The following ADAP1 variants were observed in gnomAD, a reference collection of about 807,000 sequenced individuals.
ADAP1 encodes ArfGAP with dual PH domains 1, also known as arf-GAP with dual PH domain-containing protein 1.
A neutral mutation model predicts 54.9 loss-of-function variants in ADAP1; 31 were observed. The observed-to-expected ratio is 0.56, with a 90% CI of 0.42 to 0.76. ADAP1 has a LOEUF of 0.76. Among genes scored for constraint, ADAP1 ranks in the 30% least tolerant of loss-of-function variants. The pLI, the probability that ADAP1 is intolerant of heterozygous loss-of-function variation, is 0.00. For missense variants in ADAP1, 535 were observed against 512.4 expected (o/e 1.04, Z -0.42); for synonymous variants, 313 against 202.6 (o/e 1.55, Z -4.63).
chr7:903,274 G>A lies in ADAP1; in HGVS notation c.648+852C>T, dbSNP rs575996585. On this transcript the variant is annotated intron_variant, in intron 6 of 10. Transcript: ENST00000265846. ...CTAACAAACCCAGGGTCAGATGCCA[G>A]CGGAGCACGGCAGGCAGGGGACGGG... is the stretch of plus-strand genomic sequence containing the variant. 3.9e-4 allele frequency among the ~76,000 whole-genome samples: 60 copies of A among 152,314 alleles called. 1 individual carries two copies. In the East Asian group the frequency reaches 0.01, roughly 26 times the overall value.
chr7:906,712 GACATC>G (rs1845431808), intron 4 of ADAP1, among the ~76,000 whole-genome samples: 6 of 27,960 alleles, frequency 2.1e-4, no homozygotes, highest in African/African-American at 3.5e-4. Context: ...TGGGGGACGG[GACATC>G]GGGGACGGGA....
upstream of ADAP1, chr7:955,322 G>A: frequency 6.5e-7 from 1 of 1,550,236 alleles, no homozygotes; most frequent in Non-Finnish European, 8.7e-7. Context: ...CCCTTCCTCT[G>A]CACACCCCAG....
At chr7:947,349 G>A (rs1047131291) in intron 1 of ADAP1, among the ~76,000 whole-genome samples, 13 of 150,452 alleles carry the variant, frequency 8.6e-5, no homozygotes, top group African/African-American at 2.0e-4. Flanking sequence ...GAGCCACCGC[G>A]CCTGACCTTG....
intron 4 of ADAP1, chr7:905,559 G>A (rs1257559311): frequency 7.8e-5 from 2 of 25,728 alleles, no homozygotes; most frequent in Non-Finnish European, 1.7e-4. Context: ...AGGGAGAAAG[G>A]AGAAAGGAGA....
chr7:941,738 A>G (rs975236263), intron 1 of ADAP1, among the ~76,000 whole-genome samples: 2 of 152,238 alleles, frequency 1.3e-5, no homozygotes, highest in African/African-American at 2.4e-5. Flanking sequence ...TATAGATTCA[A>G]TGCCATCCCA....
At chr7:900,276 A>G in intron 7 of ADAP1, 112 bp from the exon 8 acceptor site, 2 of 1,344,362 alleles carry the variant, frequency 1.5e-6, no homozygotes, top group South Asian at 2.4e-5. Flanking sequence ...GTCAGGGCCC[A>G]GGCCTGGCTT....
rs1318664963 is a variant in ADAP1 at position 926,687 on chromosome 7, G to T, written c.214-43C>A. On this transcript the variant is annotated intron_variant, in intron 2 of 10. Transcript: ENST00000265846. The surrounding 1 kb of genome is among the most constrained non-coding windows in gnomAD (Gnocchi z 4.6). ...CCGGGTCAGAGGCCTGGGGTCCCAG[G>T]GGCAGCCTAGGAGGTGCCAGCTGCC... is the stretch of plus-strand genomic sequence containing the variant. 4 of 1,486,998 alleles carry T rather than the reference G, an allele frequency of 2.7e-6. No homozygotes were observed. Among genetic ancestry groups the T allele is most frequent in the African/African-American group, 1.4e-5 (1 of 69,666 alleles). The allele number at this position is 1,486,998 out of a possible 1,614,324, so 92.1% of individuals were successfully genotyped here.
rs1846387832 is a variant in ADAP1, at chr7:926,358, C to CAACCCCAG, written c.305+194_305+195insCTGGGGTT. ...CTTCCCAGCCCCACCCCAGCGCCCC[C>CAACCCCAG]CGCCCCAGAACCAAAGCCCGGTGGT... On this transcript the variant is annotated intron_variant, in intron 3 of 10. Coordinates refer to ENST00000265846, the MANE Select transcript of ADAP1 (RefSeq NM_006869.4). The surrounding 1 kb of genome is among the most constrained non-coding windows in gnomAD (Gnocchi z 4.6). Among the ~76,000 whole-genome samples the CAACCCCAG allele has an allele frequency of 6.6e-6, 1 of 152,148 alleles. No individual in the cohort carries two copies. The highest frequency in any genetic ancestry group is 1.5e-5 in the Non-Finnish European group (1 of 67,998).
At chr7:905,371 G>GA (rs376551972) in intron 4 of ADAP1, 199 bp from the exon 5 acceptor site, 10,066 of 59,698 alleles carry the variant, frequency 0.17, 2,106 homozygotes, top group East Asian at 0.19. Context: ...AAAGGGAAAG[G>GA]GAAAGGAGAA....
At chr7:921,819 C>T (rs1280217521) in intron 3 of ADAP1, among the ~76,000 whole-genome samples, 1 of 152,206 alleles carries the variant, frequency 6.6e-6, no homozygotes, top group Non-Finnish European at 1.5e-5. Context: ...TGTGTGGAAG[C>T]CGGGGGCCTG....
chr7:928,534 C>T (rs761540714), intron 2 of ADAP1, among the ~76,000 whole-genome samples: 6 of 152,204 alleles, frequency 3.9e-5, no homozygotes, highest in Non-Finnish European at 7.3e-5. Context: ...CCCACCTCGG[C>T]CTAAAAATGG....
chr7:920,993 G>A lies in ADAP1; in HGVS notation c.306-943C>T, dbSNP rs1308755153. The A allele has an allele frequency of 1.9e-5, 16 of 842,900 alleles. No individual in the cohort carries two copies. Among genetic ancestry groups the A allele is most frequent in the Non-Finnish European group, 1.8e-5 (10 of 542,840 alleles). The allele number at this position is 842,900 out of a possible 1,614,324, so 52.2% of individuals were successfully genotyped here. ...CGCCCACAGGATCTGATGGGTGATG[G>A]GTCCCAGCTGGGTCTCTGGCCCCTG... On this transcript the variant is annotated intron_variant, in intron 3 of 10. Transcript: ENST00000265846. This position sits in a 1 kb window ranked among gnomAD's most constrained non-coding sequence, Gnocchi z 4.5.
intron 1 of ADAP1, among the ~76,000 whole-genome samples, chr7:944,379 CAAG>C (rs1253926441): frequency 2.0e-5 from 3 of 151,622 alleles, no homozygotes; most frequent in Non-Finnish European, 4.4e-5. Flanking sequence ...CTCAGCCTCC[CAAG>C]TAGCTGGGAT....
At chr7:908,216 G>C (rs901221497) in intron 4 of ADAP1, among the ~76,000 whole-genome samples, 3 of 152,162 alleles carry the variant, frequency 2.0e-5, no homozygotes, top group African/African-American at 7.2e-5. Flanking sequence ...CAGAGGCTCA[G>C]ATTGCAGACA....
Position 906,814 on chromosome 7 carries a change from A to ATGGGTGACACGGGGGACG in ADAP1, c.389-1643_389-1642insCGTCCCCCGTGTCACCCA, listed in dbSNP as rs1845478293. On this transcript the variant is annotated intron_variant, in intron 4 of 10. Transcript: ENST00000265846. The stretch of plus-strand genomic sequence containing the variant: ...GACGGGACAGGGGACATGGGGGGAC[A>ATGGGTGACACGGGGGACG]TGGGTCAGATGGTGATGGTGGATGG... 1.4e-5 allele frequency among the ~76,000 whole-genome samples: 2 copies of ATGGGTGACACGGGGGACG among 143,726 alleles called. 1 individual carries two copies. The highest frequency in any genetic ancestry group is 5.4e-5 in the African/African-American group (2 of 37,006). The allele number at this position is 143,726 out of a possible 152,430, so 94.3% of individuals were successfully genotyped here.
chr7:899,372 C>T, intron 9 of ADAP1, 47 bp downstream of exon 9: 2 of 1,609,638 alleles, frequency 1.2e-6, no homozygotes, highest in Non-Finnish European at 8.5e-7. Context: ...CTGGCAACCC[C>T]AGCCAGTGAG....
upstream of ADAP1, chr7:955,136 AGGGCCCAGACG>A: frequency 1.6e-6 from 1 of 634,276 alleles, no homozygotes; most frequent in Non-Finnish European, 2.8e-6. Context: ...GAGGCCACAC[AGGGCCCAGACG>A]GAGCCTCCCC....
At chr7:954,232 G>T (rs976112436) in intron 1 of ADAP1, among the ~76,000 whole-genome samples, 164 bp downstream of exon 1, 6 of 151,368 alleles carry the variant, frequency 4.0e-5, no homozygotes, top group African/African-American at 7.3e-5. Flanking sequence ...GTGCAGCCGG[G>T]CCCGGGCCCC....
In ADAP1 at chr7:914,175, C is replaced by G. The variant is rs115092519; in HGVS notation, c.388+5793G>C. Among the ~76,000 whole-genome samples the G allele has an allele frequency of 8.7e-3, 1,331 of 152,312 alleles. 21 individuals carry two copies. Among genetic ancestry groups the G allele is most frequent in the African/African-American group, 0.031 (1,291 of 41,562 alleles). On this transcript the variant is annotated intron_variant, in intron 4 of 10. Coordinates refer to ENST00000265846, the MANE Select transcript of ADAP1 (RefSeq NM_006869.4). Reference sequence around the variant, plus strand: ...TAGGAGTTCTTGGTTCCGGCTCATTCCAGGGCAGACCTGCAGCCACTCCTC... The same window carrying G: ...TAGGAGTTCTTGGTTCCGGCTCATTGCAGGGCAGACCTGCAGCCACTCCTC...
Sources: gnomAD v4.1 joint callset for allele counts (sites outside exome capture counted in the v4.1 genomes callset) on GRCh38, gnomAD v4.1.1 for gene constraint, Gnocchi (gnomAD v3.1) non-coding constraint, MANE v1.5 for transcripts, NCBI Gene and HGNC (gene_info 2026-07-23, HGNC 2026-07-21) for gene names.